Variants in AGO1 observed in about 807,000 individuals in gnomAD.
AGO1 encodes argonaute RISC component 1.
AGO1 carries 11 observed loss-of-function variants against 109.2 expected under a neutral mutation model. The ratio of observed to expected loss-of-function variants is 0.10; its 90% CI spans 0.06 to 0.17. The LOEUF is 0.17. Ranked by LOEUF, AGO1 falls within the 10% of genes least tolerant of loss-of-function variation. AGO1 has a pLI of 1.00. For synonymous variants in AGO1, 422 were observed against 418.6 expected (o/e 1.01, Z -0.10); for missense variants, 574 against 1,140.3 (o/e 0.50, Z 7.15).
chr1:35,901,999 A>C lies in AGO1; in HGVS notation c.1192A>C (p.Lys398Gln). The C allele has an allele frequency of 6.2e-7, 1 of 1,611,456 alleles. No homozygotes were observed. The highest frequency in any genetic ancestry group is 8.5e-7 in the Non-Finnish European group (1 of 1,178,868). Reference sequence around the variant, plus strand: ...TCCCTACATCCAGGAATTTGGGATCAAAGTGAAGGATGACATGACGGAGGT... The same window carrying C: ...TCCCTACATCCAGGAATTTGGGATCCAAGTGAAGGATGACATGACGGAGGT... The part of the protein sequence containing the change: ...LDPYIQEFGI[K>Q]VKDDMTEVTG... The change falls in exon 10 of 19, where the codon AAA becomes CAA. Residue 398 changes from lysine (K) to glutamine (Q), a missense_variant. Lys to Gln is a moderately conservative substitution (Grantham distance 53). Coordinates refer to ENST00000373204, the MANE Select transcript of AGO1 (RefSeq NM_012199.5). This position sits in a 1 kb window ranked among gnomAD's most constrained non-coding sequence, Gnocchi z 4.8.
Position 35,927,557 on chromosome 1 carries a change from A to G in AGO1, c.*7950A>G, listed in dbSNP as rs797000. 0.97 allele frequency: 148,285 copies of G among 152,312 alleles called. 72,210 individuals carry two copies. The highest frequency in any genetic ancestry group is 1 in the East Asian group (5,176 of 5,176). The allele number at this position is 152,312 out of a possible 1,614,324, so 9.4% of individuals were successfully genotyped here. ...AGGAAGTCTTCCCCTGGAAGCTCCA[A>G]CAGATACGGCCTCATGGCTTTGCTA... On this transcript the variant is annotated 3_prime_UTR_variant, in exon 19 of 19. Coordinates refer to ENST00000373204, the MANE Select transcript of AGO1 (RefSeq NM_012199.5).
chr1:35,883,254 C>T lies in AGO1; in HGVS notation c.-168C>T, dbSNP rs796799611. The T allele has an allele frequency of 1.6e-5, 22 of 1,345,358 alleles. No individual in the cohort carries two copies. The East Asian group carries it at 6.1e-4, about 38-fold the overall frequency. The allele number at this position is 1,345,358 out of a possible 1,614,324, so 83.3% of individuals were successfully genotyped here. ...TCGCAGTGGGAGCTGCTGCAGGCTC[C>T]GCGGCGGCGGCAACGGAGGCTGCGG... On this transcript the variant is annotated 5_prime_UTR_variant, in exon 1 of 19. Coordinates refer to ENST00000373204, the MANE Select transcript of AGO1 (RefSeq NM_012199.5). The surrounding 1 kb of genome is among the most constrained non-coding windows in gnomAD (Gnocchi z 5.4).
intron 17 of AGO1, 79 bp downstream of exon 17, chr1:35,918,502 AT>A: frequency 9.0e-7 from 1 of 1,116,404 alleles, no homozygotes; most frequent in East Asian, 2.3e-5. Flanking sequence ...TGTATCAGTC[AT>A]CACTGAATGA....
At chr1:35,890,624 T>G (rs142740572) in intron 2 of AGO1, among the ~76,000 whole-genome samples, 1,857 of 152,296 alleles carry the variant, frequency 0.012, 17 homozygotes, top group South Asian at 0.024. Context: ...TATATATAGA[T>G]TCATTTTTGC....
In AGO1 at chr1:35,893,047, T is replaced by TGG; in HGVS notation, c.331-50_331-49insGG. On this transcript the variant is annotated intron_variant, in intron 3 of 18. Coordinates refer to ENST00000373204, the MANE Select transcript of AGO1 (RefSeq NM_012199.5). The surrounding 1 kb of genome is among the most constrained non-coding windows in gnomAD (Gnocchi z 5.6). The stretch of plus-strand genomic sequence containing the variant: ...GCAAATCCATGGAGTTGGGGGTCAT[T>TGG]CTCGCAGAGCAATGGCAATCCTTCA... The TGG allele has an allele frequency of 6.4e-7, 1 of 1,551,536 alleles. No individual in the cohort carries two copies. Among genetic ancestry groups the TGG allele is most frequent in the East Asian group, 2.3e-5 (1 of 43,994 alleles).
In AGO1 at chr1:35,928,239, CACTT is replaced by C. The variant is rs1439339547; in HGVS notation, c.*8636_*8639del. 5.3e-5 allele frequency: 8 copies of C among 152,202 alleles called. No homozygotes were observed. The highest frequency in any genetic ancestry group is 2.9e-5 in the Non-Finnish European group (2 of 68,038). 9.4% of individuals were successfully genotyped at this position (152,202 alleles called of 1,614,324 possible). A position where few individuals can be genotyped will look rare whatever the true frequency, so the allele number is the denominator to read the frequency against. On this transcript the variant is annotated 3_prime_UTR_variant, in exon 19 of 19. Coordinates refer to ENST00000373204, the MANE Select transcript of AGO1 (RefSeq NM_012199.5). ...GATATTGATCATCTTTTCATGTGCT[CACTT>C]ACTATCCCCATATCTTTGTTGTTTG...
chr1:35,900,461 C>T (rs1463991325), intron 8 of AGO1, among the ~76,000 whole-genome samples: 1 of 152,174 alleles, frequency 6.6e-6, no homozygotes, highest in Non-Finnish European at 1.5e-5. Context: ...GGCATGGTGG[C>T]TCACTCCTGT....
Position 35,901,915 on chromosome 1 carries a change from G to A in AGO1, c.1141-33G>A. The stretch of plus-strand genomic sequence containing the variant: ...GGGTGAGCAGTATTGCCAAGCTCCT[G>A]TTCTCCTGAGATTGCTCTCTTTTGT... On this transcript the variant is annotated intron_variant, in intron 9 of 18. Transcript: ENST00000373204. This position sits in a 1 kb window ranked among gnomAD's most constrained non-coding sequence, Gnocchi z 4.8. 1.3e-6 allele frequency: 2 copies of A among 1,553,730 alleles called. No individual in the cohort carries two copies. Among genetic ancestry groups the A allele is most frequent in the Non-Finnish European group, 1.7e-6 (2 of 1,150,868 alleles).
Position 35,906,984 on chromosome 1 carries a change from A to C in AGO1, c.1447A>C (p.Ile483Leu). Residue 483 changes from isoleucine to leucine, a missense_variant, in exon 12 of 19, where the codon ATC becomes CTC. By Grantham distance (5) the Ile-to-Leu change is conservative (BLOSUM62 2). Transcript: ENST00000373204. Reference protein sequence around the residue: ...RKISKDAGMPIQGQPCFCKYA... With the variant: ...RKISKDAGMPLQGQPCFCKYA... ...GATTTCCAAGGATGCGGGGATGCCT[A>C]TCCAGGGTCAACCTTGTTTCTGCAA... The C allele has an allele frequency of 6.2e-7, 1 of 1,614,146 alleles. No homozygotes were observed. The highest frequency in any genetic ancestry group is 8.5e-7 in the Non-Finnish European group (1 of 1,180,006).
In AGO1 at chr1:35,873,978, C is replaced by T. The variant is rs143547056; in HGVS notation, c.-201+4075C>T. ...AAGTCTGTTGGTGCCAAATTTCCAA[C>T]AGCATGTGCTCAAATTGTGTCTTTC... On this transcript the variant is annotated intron_variant, in intron 1 of 18. Transcript: ENST00000373206. Among the ~76,000 whole-genome samples the T allele has an allele frequency of 1.4e-4, 22 of 152,332 alleles. No homozygotes were observed. In the East Asian group the frequency reaches 3.1e-3, roughly 21 times the overall value.
At position 35,901,100 on chromosome 1, in the gene AGO1, C is replaced by T. The variant is rs1236070010; in HGVS notation, c.1021-374C>T. Among the ~76,000 whole-genome samples the T allele has an allele frequency of 2.0e-5, 3 of 151,694 alleles. No individual in the cohort carries two copies. In the East Asian group the frequency reaches 5.9e-4, roughly 30 times the overall value. Reference sequence around the variant, plus strand: ...GGTTCAAGCGATTCTTGTTCCTCAGCCTCCTGAGTAGCTGGGATTACAGGC... The same window carrying T: ...GGTTCAAGCGATTCTTGTTCCTCAGTCTCCTGAGTAGCTGGGATTACAGGC... On this transcript the variant is annotated intron_variant, in intron 8 of 18. Transcript: ENST00000373204. This position sits in a 1 kb window ranked among gnomAD's most constrained non-coding sequence, Gnocchi z 4.8.
chr1:35,914,209 A>G lies in AGO1; in HGVS notation c.1768A>G (p.Ile590Val). 1 of 1,614,170 alleles carries G rather than the reference A, an allele frequency of 6.2e-7. No homozygotes were observed. The highest frequency in any genetic ancestry group is 8.5e-7 in the Non-Finnish European group (1 of 1,180,026). The change falls in exon 14 of 19, where the codon ATA becomes GTA. Residue 590 changes from isoleucine to valine, a missense_variant. Around this residue, in one of 8 missense-constraint regions of AGO1, gnomAD observed 68 missense variants for 200.2 expected, o/e 0.34. Coordinates refer to ENST00000373204, the MANE Select transcript of AGO1 (RefSeq NM_012199.5). The stretch of plus-strand genomic sequence containing the variant: ...CTCTGCCGTTTTTCAACAGCCAGTG[A>G]TATTCCTGGGAGCAGATGTTACACA... ...QRSAVFQQPV[I>V]FLGADVTHPP...
At chr1:35,894,518 C>T (rs1645283279) in intron 7 of AGO1, 116 bp downstream of exon 7, 1 of 1,037,508 alleles carries the variant, frequency 9.6e-7, no homozygotes, top group Non-Finnish European at 1.4e-6. Context: ...TGGGGACTGG[C>T]CCTGTTTTTG....
At chr1:35,897,918 C>T (rs1557609862) in intron 8 of AGO1, among the ~76,000 whole-genome samples, 1 of 152,190 alleles carries the variant, frequency 6.6e-6, no homozygotes, top group Non-Finnish European at 1.5e-5. Context: ...CATTCGTTCT[C>T]TCCCCAACAG....
chr1:35,898,730 A>T (rs2148713960), intron 8 of AGO1, among the ~76,000 whole-genome samples: 1 of 152,358 alleles, frequency 6.6e-6, no homozygotes. Context: ...TTATTGTTCT[A>T]GTTTCTAGTT....
At chr1:35,870,605 A>C (rs1216615535) in intron 1 of AGO1, among the ~76,000 whole-genome samples, 1 of 152,192 alleles carries the variant, frequency 6.6e-6, no homozygotes, top group African/African-American at 2.4e-5. Context: ...AAAGGAGAGT[A>C]TTTGAACAGA....
At chr1:35,908,980 G>A (rs1201813767) in intron 12 of AGO1, among the ~76,000 whole-genome samples, 2 of 151,864 alleles carry the variant, frequency 1.3e-5, no homozygotes, top group East Asian at 1.9e-4. Context: ...ACCATGCCTC[G>A]CTAATTTTTA....
intron 12 of AGO1, among the ~76,000 whole-genome samples, chr1:35,908,745 C>G (rs1645575484): frequency 6.6e-6 from 1 of 151,320 alleles, no homozygotes. Context: ...CTTCATTGTT[C>G]TTCTTCAAAT....
chr1:35,899,547 C>G lies in AGO1; in HGVS notation c.1021-1927C>G, dbSNP rs530649428. On this transcript the variant is annotated intron_variant, in intron 8 of 18. Coordinates refer to ENST00000373204, the MANE Select transcript of AGO1 (RefSeq NM_012199.5). Reference sequence around the variant, plus strand: ...ATTTAGTCTTTTGCTAGTGTTAATTCTGTATCTTTAACCACCTGTAGAGAA... The same window carrying G: ...ATTTAGTCTTTTGCTAGTGTTAATTGTGTATCTTTAACCACCTGTAGAGAA... 9.8e-5 allele frequency among the ~76,000 whole-genome samples: 15 copies of G among 152,300 alleles called. 1 individual carries two copies. Among genetic ancestry groups the G allele is most frequent in the Middle Eastern group, 6.8e-3 (2 of 294 alleles).
Sources: gnomAD v4.1 joint callset for allele counts (sites outside exome capture counted in the v4.1 genomes callset) on GRCh38, gnomAD v4.1.1 for gene constraint, gnomAD v4.1.1 regional missense constraint, Gnocchi (gnomAD v3.1) non-coding constraint, MANE v1.5 for transcripts, NCBI Gene and HGNC (gene_info 2026-07-23, HGNC 2026-07-21) for gene names.